The following OR14A16 variants were observed in gnomAD, a reference collection of about 807,000 sequenced individuals.
OR14A16 encodes olfactory receptor family 14 subfamily A member 16, also known as olfactory receptor 14A16.
For missense variants in OR14A16, 341 were observed against 366.5 expected (o/e 0.93, Z 0.57); for synonymous variants, 135 against 137.6 (o/e 0.98, Z 0.13).
Position 247,815,565 on chromosome 1 carries a change from G to C in OR14A16, c.165C>G (p.Thr55=), listed in dbSNP as rs372061599. Reference sequence around the variant, plus strand: ...GATTCTTCAAGAAGAAATACACGGGGGTGTGGAGATGATGGTCCAAAGTTG... The same window carrying C: ...GATTCTTCAAGAAGAAATACACGGGCGTGTGGAGATGATGGTCCAAAGTTG... ...MITTLDHHLH[T]PVYFFLKNLS... The change falls in exon 3 of 3, where the codon ACC becomes ACG. Residue 55 remains threonine, a synonymous_variant. Coordinates refer to ENST00000641093, the MANE Select transcript of OR14A16 (RefSeq NM_001001966.2). 9.9e-6 allele frequency: 16 copies of C among 1,614,050 alleles called. No individual in the cohort carries two copies. The African/African-American group carries it at 2.1e-4, about 22-fold the overall frequency.
At chr1:247,821,695 T>C (rs1373126991) in intron 1 of OR14A16, among the ~76,000 whole-genome samples, 3 of 146,216 alleles carry the variant, frequency 2.1e-5, no homozygotes, top group African/African-American at 7.4e-5. Context: ...ATGCACCCAC[T>C]TTATGTCTTT....
chr1:247,815,556 A>G lies in OR14A16; in HGVS notation c.174T>C (p.Tyr58=), dbSNP rs143397542. 3 of 1,614,062 alleles carry G rather than the reference A, an allele frequency of 1.9e-6. No individual in the cohort carries two copies. The African/African-American group carries it at 4.0e-5, about 22-fold the overall frequency. The change falls in exon 3 of 3, where the codon TAT becomes TAC. Residue 58 remains tyrosine, a synonymous_variant. Transcript: ENST00000641093. ...AGAAAGATAGATTCTTCAAGAAGAA[A>G]TACACGGGGGTGTGGAGATGATGGT... ...TLDHHLHTPV[Y]FFLKNLSFLD... is the part of the protein sequence containing the mutation.
chr1:247,821,166 C>T (rs1369454664), intron 1 of OR14A16, among the ~76,000 whole-genome samples: 1 of 152,202 alleles, frequency 6.6e-6, no homozygotes, highest in Non-Finnish European at 1.5e-5. Context: ...TTAAAAATCA[C>T]ATTGTGGCCT....
rs1373631612 is a variant in OR14A16 at position 247,815,349 on chromosome 1, AG to A, written c.380del (p.Pro127LeufsTer26). The A allele has an allele frequency of 6.2e-7, 1 of 1,614,040 alleles. No individual in the cohort carries two copies. ...TGTCCATGATGACATCATAGTGCAG[AG>A]GGTGACATATAGCAGTATAGCGGTC... is the stretch of plus-strand genomic sequence containing the variant. ...SFDRYTAICHPLHYDVIMDRS... is the reference protein window; with the variant it reads ...SFDRYTAICHXLHYDVIMDRS... On this transcript the variant is annotated frameshift_variant, in exon 3 of 3. Coordinates refer to ENST00000641093, the MANE Select transcript of OR14A16 (RefSeq NM_001001966.2). LOFTEE classifies it low-confidence loss of function (END_TRUNC).
rs1398794183 is a variant in OR14A16 at position 247,815,398 on chromosome 1, A to T, written c.332T>A (p.Leu111His). 6.2e-7 allele frequency: 1 copy of T among 1,613,780 alleles called. No individual in the cohort carries two copies. The highest frequency in any genetic ancestry group is 1.1e-5 in the South Asian group (1 of 91,072). ...LLLSSASAEL[L>H]LLTVMSFDRY... ...GTCAAAGGACATCACCGTGAGGAGG[A>T]GCAGCTCTGCAGATGCTGAAGAAAG... is the stretch of plus-strand genomic sequence containing the variant. The change falls in exon 3 of 3, where the codon CTC becomes CAC. Residue 111 changes from leucine (L) to histidine (H), a missense_variant. Leu to His is a moderately conservative substitution (Grantham distance 99). Transcript: ENST00000641093.
chr1:247,816,597 G>A (rs1444934315), intron 2 of OR14A16, among the ~76,000 whole-genome samples: 2 of 152,018 alleles, frequency 1.3e-5, no homozygotes, highest in South Asian at 2.1e-4. Flanking sequence ...GTGTGGTGGC[G>A]GGCACCTATA....
At position 247,815,023 on chromosome 1, in the gene OR14A16, T is replaced by C; in HGVS notation, c.707A>G (p.Tyr236Cys). Residue 236 changes from tyrosine to cysteine, a missense_variant, in exon 3 of 3, where the codon TAC (tyrosine) becomes TGC (cysteine). Transcript: ENST00000641093. ...CAGCAAGTGTGGAAGGCAAATAGAG[T>C]AGGCTTTTGACTGGCCTTCTGTGGA... ...IPSTEGQSKAYSICLPHLLVV... is the reference protein window; with the variant it reads ...IPSTEGQSKACSICLPHLLVV... 4 of 1,613,354 alleles carry C rather than the reference T, an allele frequency of 2.5e-6. No homozygotes were observed. The highest frequency in any genetic ancestry group is 1.1e-5 in the South Asian group (1 of 91,052).
intron 2 of OR14A16, among the ~76,000 whole-genome samples, chr1:247,818,387 T>C (rs1238121939): frequency 6.6e-6 from 1 of 152,242 alleles, no homozygotes; most frequent in East Asian, 1.9e-4. Context: ...CATTGCTAGG[T>C]ATATAACTGA....
At position 247,814,900 on chromosome 1, in the gene OR14A16, A is replaced by T; in HGVS notation, c.830T>A (p.Met277Lys). 1 of 1,614,026 alleles carries T rather than the reference A, an allele frequency of 6.2e-7. No individual in the cohort carries two copies. The highest frequency in any genetic ancestry group is 8.5e-7 in the Non-Finnish European group (1 of 1,179,944). ...LDAVISVFYT[M>K]LPPTFNPIIY... is the part of the protein sequence containing the mutation. ...AATGGGATTAAAGGTTGGGGGCAGC[A>T]TAGTGTAGAACACAGAAATTACAGC... The change falls in exon 3 of 3, where the codon ATG becomes AAG. Residue 277 changes from methionine to lysine, a missense_variant. By Grantham distance (95) the Met-to-Lys change is moderately conservative (BLOSUM62 -1). Coordinates refer to ENST00000641093, the MANE Select transcript of OR14A16 (RefSeq NM_001001966.2).
Position 247,819,180 on chromosome 1 carries a change from T to C in OR14A16, c.-130-3A>G, listed in dbSNP as rs1662681335. On this transcript the variant is annotated splice_polypyrimidine_tract_variant and splice_region_variant and intron_variant, in intron 1 of 2. Coordinates refer to ENST00000641093, the MANE Select transcript of OR14A16 (RefSeq NM_001001966.2). ...GGCCAGATCTTTCTGTTGGCAAACT[T>C]CAGTGAAAACAATGCAGTGAGTCAA... 6.6e-6 allele frequency: 1 copy of C among 152,162 alleles called. No homozygotes were observed. The highest frequency in any genetic ancestry group is 2.1e-4 in the South Asian group (1 of 4,830). The allele number at this position is 152,162 out of a possible 1,614,324, so 9.4% of individuals were successfully genotyped here.
At chr1:247,818,127 T>A (rs1662662359) in intron 2 of OR14A16, among the ~76,000 whole-genome samples, 1 of 152,098 alleles carries the variant, frequency 6.6e-6, no homozygotes, top group African/African-American at 2.4e-5. Flanking sequence ...AACCCCAAAA[T>A]TTTTAAAATA....
chr1:247,822,314 C>CGG (rs371967853), intron 1 of OR14A16, among the ~76,000 whole-genome samples: 1 of 16,396 alleles, frequency 6.1e-5, no homozygotes, highest in African/African-American at 4.4e-4. Flanking sequence ...GTGTGTGTGG[C>CGG]GGGGGGGGAG....
chr1:247,816,218 A>G (rs1662619091), intron 2 of OR14A16, among the ~76,000 whole-genome samples: 1 of 152,200 alleles, frequency 6.6e-6, no homozygotes, highest in African/African-American at 2.4e-5. Flanking sequence ...TAACAATTCT[A>G]AAAACAAAAC....
At chr1:247,817,314 T>C (rs1447067341) in intron 2 of OR14A16, among the ~76,000 whole-genome samples, 1 of 152,206 alleles carries the variant, frequency 6.6e-6, no homozygotes, top group Non-Finnish European at 1.5e-5. Context: ...AATTTTAATC[T>C]GTTAGAAAAA....
At chr1:247,823,003 T>C (rs757223483) in intron 1 of OR14A16, among the ~76,000 whole-genome samples, 29 of 152,202 alleles carry the variant, frequency 1.9e-4, no homozygotes, top group Non-Finnish European at 3.7e-4. Flanking sequence ...TCAAAATATA[T>C]AATGTCTGTA....
chr1:247,822,374 T>C lies in OR14A16; in HGVS notation c.-131+1579A>G, dbSNP rs1020375406. 1.6e-4 allele frequency among the ~76,000 whole-genome samples: 25 copies of C among 152,042 alleles called. No homozygotes were observed. In the East Asian group the frequency reaches 4.3e-3, roughly 26 times the overall value. ...CAGTAGGCAGAAGGGGGATTTTTTTTCTCTCTTTCTGTTATCTCTGTCTTC... is the reference window on the plus strand; with the variant it reads ...CAGTAGGCAGAAGGGGGATTTTTTTCCTCTCTTTCTGTTATCTCTGTCTTC... On this transcript the variant is annotated intron_variant, in intron 1 of 2. Transcript: ENST00000641093.
Position 247,817,166 on chromosome 1 carries a change from T to TGACAATTTTCCTCCTGCACTC in OR14A16, c.-15-1443_-15-1423dup, listed in dbSNP as rs564560723. Reference sequence around the variant, plus strand: ...TTTAGTAAAATATTAAAACTGTACTTGACAATTTTCCTCCTGCACTCTCTT... The same window carrying TGACAATTTTCCTCCTGCACTC: ...TTTAGTAAAATATTAAAACTGTACTTGACAATTTTCCTCCTGCACTCGACAATTTTCCTCCTGCACTCTCTT... On this transcript the variant is annotated intron_variant, in intron 2 of 2. Transcript: ENST00000641093. Among the ~76,000 whole-genome samples the TGACAATTTTCCTCCTGCACTC allele has an allele frequency of 4.2e-3, 645 of 152,328 alleles. 8 individuals are homozygous for TGACAATTTTCCTCCTGCACTC. The Middle Eastern group carries it at 0.061, about 14-fold the overall frequency.
chr1:247,820,810 A>C (rs1262428532), intron 1 of OR14A16, among the ~76,000 whole-genome samples: 4 of 151,996 alleles, frequency 2.6e-5, no homozygotes, highest in African/African-American at 4.8e-5. Flanking sequence ...CAGTGAGCCA[A>C]GATAGTGCCA....
At chr1:247,821,023 C>T (rs1050862372) in intron 1 of OR14A16, among the ~76,000 whole-genome samples, 2 of 151,970 alleles carry the variant, frequency 1.3e-5, no homozygotes, top group Non-Finnish European at 2.9e-5. Context: ...TTCTTTGAAC[C>T]ATTAGTTGTT....
Sources: gnomAD v4.1 joint callset for allele counts (sites outside exome capture counted in the v4.1 genomes callset) on GRCh38, gnomAD v4.1.1 for gene constraint, MANE v1.5 for transcripts, NCBI Gene and HGNC (gene_info 2026-07-23, HGNC 2026-07-21) for gene names.